The following MIPEP variants were observed in gnomAD, a reference collection of about 807,000 sequenced individuals.
The protein encoded by MIPEP is mitochondrial intermediate peptidase.
A neutral mutation model predicts 90.3 loss-of-function variants in MIPEP; 79 were observed. The ratio of observed to expected loss-of-function variants is 0.87; its 90% CI spans 0.73 to 1.05. The LOEUF is 1.05. Among genes scored for constraint, MIPEP ranks in the 50% least tolerant of loss-of-function variants. The pLI is 0.00. For missense variants in MIPEP, 940 were observed against 905.6 expected (o/e 1.04, Z -0.49); for synonymous variants, 334 against 315.8 (o/e 1.06, Z -0.61).
intron 16 of MIPEP, among the ~76,000 whole-genome samples, chr13:23,805,083 C>G (rs1257483708): frequency 6.6e-6 from 1 of 152,220 alleles, no homozygotes; most frequent in Non-Finnish European, 1.5e-5. Flanking sequence ...CACCCCTATA[C>G]CCCTGCACCT....
chr13:23,802,741 T>C (rs1166687197), intron 16 of MIPEP, among the ~76,000 whole-genome samples: 1 of 152,102 alleles, frequency 6.6e-6, no homozygotes, highest in African/African-American at 2.4e-5. Flanking sequence ...GAAAGCAATA[T>C]GCATTCAATA....
chr13:23,857,286 C>T (rs57781396), intron 10 of MIPEP, among the ~76,000 whole-genome samples: 1,892 of 152,174 alleles, frequency 0.012, 33 homozygotes, highest in African/African-American at 0.043. Flanking sequence ...TTATTATAGA[C>T]TTTGAATAAC....
intron 18 of MIPEP, among the ~76,000 whole-genome samples, chr13:23,734,317 C>A (rs1449211904): frequency 1.3e-5 from 2 of 152,146 alleles, no homozygotes; most frequent in African/African-American, 4.8e-5. Context: ...AACCACTCCA[C>A]GTGTGTCCGT....
Position 23,839,685 on chromosome 13 carries a change from G to T in MIPEP, c.1302C>A (p.Tyr434Ter). The change falls in exon 12 of 19, where the codon TAC (tyrosine) becomes TAA (stop). Residue 434 changes from tyrosine to a stop codon, truncating the protein, a stop_gained. Coordinates refer to ENST00000382172, the MANE Select transcript of MIPEP (RefSeq NM_005932.4). LOFTEE classifies it high-confidence loss of function. ...TGTCTGCTCGCTGAAAAAAATCACA[G>T]TAAATGTACCCCAACAATCCTTCAG... ...HESEGLLGYIYCDFFQRADKP... is the reference protein window; with the variant it reads ...HESEGLLGYI 6.2e-7 allele frequency: 1 copy of T among 1,612,928 alleles called. No homozygotes were observed. Among genetic ancestry groups the T allele is most frequent in the Non-Finnish European group, 8.5e-7 (1 of 1,179,612 alleles).
intron 18 of MIPEP, among the ~76,000 whole-genome samples, chr13:23,753,791 G>C (rs981041080): frequency 1.3e-5 from 2 of 152,126 alleles, no homozygotes; most frequent in Non-Finnish European, 2.9e-5. Context: ...TTCTGAAAAA[G>C]ACAAATAATC....
intron 10 of MIPEP, among the ~76,000 whole-genome samples, chr13:23,855,362 G>C (rs1294315753): frequency 6.6e-6 from 1 of 151,924 alleles, no homozygotes; most frequent in Non-Finnish European, 1.5e-5. Flanking sequence ...TTCTAAACAG[G>C]TTCTTTTCTT....
chr13:23,822,485 G>T (rs1953318021), intron 14 of MIPEP, among the ~76,000 whole-genome samples: 1 of 152,192 alleles, frequency 6.6e-6, no homozygotes, highest in Non-Finnish European at 1.5e-5. Context: ...TTAGCTAATT[G>T]ATTCATCCTA....
chr13:23,869,301 T>C lies in MIPEP; in HGVS notation c.934A>G (p.Lys312Glu). 1.3e-6 allele frequency: 2 copies of C among 1,591,662 alleles called. No individual in the cohort carries two copies. The highest frequency in any genetic ancestry group is 1.7e-4 in the Middle Eastern group (1 of 5,934). ...SHRALQGTIA[K>E]NPETVMQFLE... ...GGATAAACAGGCTTACCTGGATTTT[T>C]AGCTATCGTTCCTTGGAGAGCCCTG... Residue 312 changes from lysine to glutamate, a missense_variant, in exon 7 of 19, where the codon AAA (lysine) becomes GAA (glutamate). By Grantham distance (56) the Lys-to-Glu change is moderately conservative (BLOSUM62 1). Coordinates refer to ENST00000382172, the MANE Select transcript of MIPEP (RefSeq NM_005932.4).
chr13:23,819,967 T>C (rs981285748), intron 14 of MIPEP, among the ~76,000 whole-genome samples: 6 of 151,124 alleles, frequency 4.0e-5, no homozygotes, highest in African/African-American at 1.2e-4. Context: ...TGAGATTGCA[T>C]CCTTGCACTC....
intron 16 of MIPEP, among the ~76,000 whole-genome samples, chr13:23,788,678 C>T (rs539602237): frequency 6.6e-5 from 10 of 152,312 alleles, no homozygotes; most frequent in South Asian, 2.1e-4. Flanking sequence ...CCACATGATG[C>T]GCACTAGTTT....
intron 14 of MIPEP, among the ~76,000 whole-genome samples, chr13:23,829,128 G>T (rs1378608164): frequency 1.3e-5 from 2 of 152,164 alleles, no homozygotes; most frequent in Admixed American, 6.5e-5. Context: ...ACGGAAGAAA[G>T]TAAAATGGAT....
At chr13:23,845,017 T>C (rs1359151027) in intron 10 of MIPEP, among the ~76,000 whole-genome samples, 1 of 152,192 alleles carries the variant, frequency 6.6e-6, no homozygotes, top group African/African-American at 2.4e-5. Context: ...AAATATCTTG[T>C]GTATCCTTCC....
At chr13:23,739,239 G>A (rs981204889) in intron 18 of MIPEP, among the ~76,000 whole-genome samples, 1 of 152,226 alleles carries the variant, frequency 6.6e-6, no homozygotes, top group African/African-American at 2.4e-5. Flanking sequence ...ATCTGTAGTG[G>A]GGACGGAGAA....
chr13:23,822,497 C>A (rs1160869938), intron 14 of MIPEP, among the ~76,000 whole-genome samples: 1 of 152,218 alleles, frequency 6.6e-6, no homozygotes, highest in Non-Finnish European at 1.5e-5. Context: ...TTCATCCTAT[C>A]CCGATGATGC....
At chr13:23,756,657 C>G in intron 17 of MIPEP, 39 bp from the exon 18 acceptor site, 1 of 1,583,776 alleles carries the variant, frequency 6.3e-7, no homozygotes, top group Non-Finnish European at 8.6e-7. Context: ...CCTGCTTGCA[C>G]AGCCTCCATT....
intron 14 of MIPEP, among the ~76,000 whole-genome samples, chr13:23,822,679 T>C (rs1045286235): frequency 6.6e-6 from 1 of 152,218 alleles, no homozygotes; most frequent in African/African-American, 2.4e-5. Flanking sequence ...TCATTTATTC[T>C]ATTGTTTGTT....
chr13:23,779,106 T>C (rs7322274), intron 16 of MIPEP, among the ~76,000 whole-genome samples: 91,088 of 152,074 alleles, frequency 0.6, 27,500 homozygotes, highest in East Asian at 0.81. Context: ...TTTCAAACCA[T>C]AGGTCAAACC....
chr13:23,737,195 C>T (rs1408272547), intron 18 of MIPEP, among the ~76,000 whole-genome samples: 6 of 152,210 alleles, frequency 3.9e-5, no homozygotes, highest in Non-Finnish European at 8.8e-5. Context: ...AAGTAGAGGG[C>T]AGAGATCAGT....
chr13:23,841,187 C>T (rs1869277864), intron 11 of MIPEP, 148 bp downstream of exon 11: 1 of 657,750 alleles, frequency 1.5e-6, no homozygotes. Context: ...ATCAGAAGTG[C>T]AATTTGGATT....
Sources: allele counts gnomAD v4.1 joint callset (sites outside exome capture counted in the v4.1 genomes callset), GRCh38; gene constraint gnomAD v4.1.1; transcripts MANE v1.5; gene names NCBI Gene and HGNC (gene_info 2026-07-23, HGNC 2026-07-21).